Variants in PCCA observed in about 807,000 individuals in gnomAD.
PCCA encodes propionyl-CoA carboxylase alpha chain, mitochondrial.
PCCA carries 74 observed loss-of-function variants against 101.3 expected under a neutral mutation model. The ratio of observed to expected loss-of-function variants is 0.73; its 90% CI spans 0.61 to 0.89. The LOEUF (loss-of-function observed/expected upper bound fraction) is 0.89, where lower values mean the gene tolerates loss of function less well. PCCA is among the 40% of genes least tolerant of loss of function. PCCA has a pLI of 0.00. For synonymous variants in PCCA, 294 were observed against 313.6 expected, an observed-to-expected ratio of 0.94 and a Z score of 0.66; for missense variants, 891 against 907.0, an observed-to-expected ratio of 0.98 and a Z score of 0.23.
At position 100,471,855 on chromosome 13, in the gene PCCA, G is replaced by A. The variant is rs201367600; in HGVS notation, c.1899+22550G>A. Among the ~76,000 whole-genome samples, 14 of 152,264 alleles carry A rather than the reference G, an allele frequency of 9.2e-5. No individual in the cohort carries two copies. The East Asian group carries it at 2.5e-3, about 27-fold the overall frequency. ...TGTGCAGGCCAACTAGGGAGAAGGG[G>A]ACACTGGGGCCCACCCGGAGCTCTG... On this transcript the variant is annotated intron_variant, in intron 21 of 23. Coordinates refer to ENST00000376285, the MANE Select transcript of PCCA (RefSeq NM_000282.4).
intron 17 of PCCA, among the ~76,000 whole-genome samples, chr13:100,331,303 T>G (rs2069533191): frequency 6.6e-6 from 1 of 152,170 alleles, no homozygotes; most frequent in Non-Finnish European, 1.5e-5. Context: ...TAAACAAGAT[T>G]TAGACTGAGA....
At chr13:100,210,965 A>G (rs2059174961) in intron 7 of PCCA, among the ~76,000 whole-genome samples, 1 of 152,210 alleles carries the variant, frequency 6.6e-6, no homozygotes, top group African/African-American at 2.4e-5. Context: ...CTGGAAAGCC[A>G]GTTCCTCCTC....
chr13:100,191,524 C>T (rs71439655), intron 6 of PCCA, among the ~76,000 whole-genome samples: 22,956 of 152,208 alleles, frequency 0.15, 1,841 homozygotes, highest in Middle Eastern at 0.22. Context: ...CCAAGGAACT[C>T]GTCCAAGGCC....
intron 21 of PCCA, among the ~76,000 whole-genome samples, chr13:100,451,692 C>T (rs967917464): frequency 1.3e-5 from 2 of 148,686 alleles, no homozygotes; most frequent in African/African-American, 5.0e-5. Flanking sequence ...TCCTCTCTCT[C>T]CTCTTCCCCT....
chr13:100,436,656 G>C (rs1316743686), intron 20 of PCCA, among the ~76,000 whole-genome samples: 1 of 152,092 alleles, frequency 6.6e-6, no homozygotes, highest in Non-Finnish European at 1.5e-5. Context: ...AAATTTCATA[G>C]GTTATTAACC....
At chr13:100,328,116 G>C (rs2068916684) in intron 16 of PCCA, among the ~76,000 whole-genome samples, 1 of 152,144 alleles carries the variant, frequency 6.6e-6, no homozygotes, top group African/African-American at 2.4e-5. Context: ...TGTAATCCTA[G>C]CACTTCGGGA....
chr13:100,395,089 G>A (rs1486101715), intron 19 of PCCA, among the ~76,000 whole-genome samples: 1 of 152,146 alleles, frequency 6.6e-6, no homozygotes, highest in Non-Finnish European at 1.5e-5. Context: ...ATCCTGATTT[G>A]TATAAAAATC....
At chr13:100,466,206 A>G (rs2082505685) in intron 21 of PCCA, 1 of 152,220 alleles carries the variant, frequency 6.6e-6, no homozygotes, top group Non-Finnish European at 1.5e-5. Context: ...CCTGCTGGTG[A>G]GACATATTAG....
At chr13:100,136,860 A>G (rs1220803571) in intron 4 of PCCA, among the ~76,000 whole-genome samples, 2 of 151,602 alleles carry the variant, frequency 1.3e-5, no homozygotes, top group Non-Finnish European at 2.9e-5. Flanking sequence ...GGTTGCATTG[A>G]TGTCTTTTTT....
At chr13:100,443,271 T>A (rs1457810166) in intron 20 of PCCA, among the ~76,000 whole-genome samples, 1 of 152,092 alleles carries the variant, frequency 6.6e-6, no homozygotes, top group Non-Finnish European at 1.5e-5. Context: ...GGCAACATAG[T>A]GAGACCTTGT....
At chr13:100,519,411 G>A (rs73566642) in intron 22 of PCCA, among the ~76,000 whole-genome samples, 3,001 of 152,370 alleles carry the variant, frequency 0.02, 101 homozygotes, top group African/African-American at 0.069. Context: ...TTCAGCAGGG[G>A]ACAGTGAGGT....
At chr13:100,225,520 T>G (rs2152504175) in intron 7 of PCCA, among the ~76,000 whole-genome samples, 1 of 152,312 alleles carries the variant, frequency 6.6e-6, no homozygotes, top group Admixed American at 6.5e-5. Context: ...TACTCTTGCT[T>G]TAGCAGAAGG....
At chr13:100,320,527 A>G (rs1271911302) in intron 16 of PCCA, among the ~76,000 whole-genome samples, 3 of 152,242 alleles carry the variant, frequency 2.0e-5, no homozygotes, top group Non-Finnish European at 4.4e-5. Flanking sequence ...GAGAGTTTTT[A>G]GCCTGAAGGG....
intron 4 of PCCA, among the ~76,000 whole-genome samples, chr13:100,118,776 T>C (rs1471146889): frequency 1.3e-5 from 2 of 152,140 alleles, no homozygotes; most frequent in Non-Finnish European, 2.9e-5. Flanking sequence ...CTTGAACTCC[T>C]GGGCTCAAGA....
At chr13:100,116,049 A>G (rs946801544) in intron 4 of PCCA, among the ~76,000 whole-genome samples, 2 of 152,186 alleles carry the variant, frequency 1.3e-5, no homozygotes, top group Non-Finnish European at 1.5e-5. Flanking sequence ...TTTCTGTTTC[A>G]GTCTCAAGGA....
intron 20 of PCCA, among the ~76,000 whole-genome samples, chr13:100,440,251 T>C (rs1365494456): frequency 7.0e-6 from 1 of 143,534 alleles, no homozygotes; most frequent in East Asian, 2.2e-4. Context: ...CTATGTAATA[T>C]AAAATATTAC....
chr13:100,101,771 G>T (rs1594083882), intron 1 of PCCA, among the ~76,000 whole-genome samples: 1 of 151,710 alleles, frequency 6.6e-6, no homozygotes, highest in Middle Eastern at 3.4e-3. Flanking sequence ...TAATTTTTTT[G>T]TGTGTGTTTT....
intron 2 of PCCA, among the ~76,000 whole-genome samples, 158 bp downstream of exon 2, chr13:100,103,118 T>G (rs541499303): frequency 6.6e-6 from 1 of 152,222 alleles, no homozygotes; most frequent in Non-Finnish European, 1.5e-5. Flanking sequence ...GCTCAGTCTT[T>G]AGGTATTCTG....
chr13:100,495,757 C>T (rs774355501), intron 21 of PCCA, among the ~76,000 whole-genome samples: 73 of 152,262 alleles, frequency 4.8e-4, no homozygotes, highest in African/African-American at 6.7e-4. Flanking sequence ...ATAGCCTACA[C>T]GCTTTTAATC....
Sources: allele counts gnomAD v4.1 joint callset (sites outside exome capture counted in the v4.1 genomes callset), GRCh38; gene constraint gnomAD v4.1.1; transcripts MANE v1.5; gene names NCBI Gene and HGNC (gene_info 2026-07-23, HGNC 2026-07-21).